Variants in LRRTM4 observed in about 807,000 individuals in gnomAD.
LRRTM4 encodes the protein leucine rich repeat transmembrane neuronal 4.
A neutral mutation model predicts 47.6 loss-of-function variants in LRRTM4; 25 were observed. The observed-to-expected ratio is 0.53, with a 90% CI of 0.38 to 0.73. The LOEUF (loss-of-function observed/expected upper bound fraction) is 0.73, where lower values mean the gene tolerates loss of function less well. Ranked by LOEUF, LRRTM4 falls within the 30% of genes least tolerant of loss-of-function variation. The pLI, the probability that LRRTM4 is intolerant of heterozygous loss-of-function variation, is 0.00. For synonymous variants in LRRTM4, 311 were observed against 269.5 expected (o/e 1.15, Z -1.51); for missense variants, 638 against 713.4 (o/e 0.89, Z 1.20).
chr2:76,752,947 A>C (rs981537625), intron 3 of LRRTM4, among the ~76,000 whole-genome samples: 1 of 152,200 alleles, frequency 6.6e-6, no homozygotes, highest in Non-Finnish European at 1.5e-5. Context: ...AGAACACTTG[A>C]CTGCTCATTG....
chr2:76,781,845 A>T (rs1294157375), intron 3 of LRRTM4, among the ~76,000 whole-genome samples: 2 of 152,060 alleles, frequency 1.3e-5, no homozygotes, highest in African/African-American at 4.8e-5. Flanking sequence ...TTAAAAATCT[A>T]TTCAGGTAAA....
At chr2:77,082,700 G>C (rs935157446) in intron 3 of LRRTM4, among the ~76,000 whole-genome samples, 1 of 151,954 alleles carries the variant, frequency 6.6e-6, no homozygotes, top group Non-Finnish European at 1.5e-5. Flanking sequence ...TAGAGAAATA[G>C]AAATATCCTA....
intron 3 of LRRTM4, among the ~76,000 whole-genome samples, chr2:77,037,255 C>G (rs530537310): frequency 2.0e-4 from 30 of 151,704 alleles, no homozygotes; most frequent in Non-Finnish European, 3.5e-4. Flanking sequence ...CCAATTAAAT[C>G]ATCCAATTAA....
At chr2:77,467,365 A>G (rs1677021274) in intron 3 of LRRTM4, among the ~76,000 whole-genome samples, 1 of 152,126 alleles carries the variant, frequency 6.6e-6, no homozygotes, top group South Asian at 2.1e-4. Flanking sequence ...AGGACTCAGA[A>G]AGGACAAAAG....
rs182182543 is a variant in LRRTM4 at position 76,992,493 on chromosome 2, A to T, written c.1552-243577T>A. On this transcript the variant is annotated intron_variant, in intron 3 of 3. Coordinates refer to ENST00000409884, the MANE Select transcript of LRRTM4 (RefSeq NM_001134745.3). ...TTGTATCTATATACAAATAATGTCC[A>T]GGCTGAAATTAAAATCAAGAACATT... Among the ~76,000 whole-genome samples the T allele has an allele frequency of 4.5e-4, 68 of 151,780 alleles. No homozygotes were observed. The East Asian group carries it at 0.012, about 27-fold the overall frequency.
chr2:76,962,473 T>C (rs965025386), intron 3 of LRRTM4, among the ~76,000 whole-genome samples: 4 of 151,004 alleles, frequency 2.6e-5, no homozygotes, highest in Non-Finnish European at 4.5e-5. Context: ...GAGAGGTATA[T>C]GATTATTTAC....
intron 3 of LRRTM4, among the ~76,000 whole-genome samples, chr2:77,101,425 C>G (rs1670949644): frequency 6.6e-6 from 1 of 152,010 alleles, no homozygotes; most frequent in African/African-American, 2.4e-5. Context: ...CAACTACCAC[C>G]AAAACTGAGT....
At chr2:76,807,931 T>C (rs6724658) in intron 3 of LRRTM4, among the ~76,000 whole-genome samples, 12,651 of 128,238 alleles carry the variant, frequency 0.099, 572 homozygotes, top group Middle Eastern at 0.18. Flanking sequence ...TTCTTTCCTT[T>C]CCTTTCTTTC....
chr2:77,048,752 A>G (rs1285310714), intron 3 of LRRTM4, among the ~76,000 whole-genome samples: 2 of 151,760 alleles, frequency 1.3e-5, no homozygotes, highest in African/African-American at 4.8e-5. Flanking sequence ...CATCTCATTT[A>G]TTGTTTCTTT....
chr2:77,521,140 G>T (rs138316913), intron 2 of LRRTM4, among the ~76,000 whole-genome samples: 3 of 151,812 alleles, frequency 2.0e-5, no homozygotes, highest in East Asian at 1.9e-4. Flanking sequence ...CAGGAGAAAG[G>T]GGGGGAAAAA....
intron 3 of LRRTM4, among the ~76,000 whole-genome samples, chr2:77,057,486 G>A (rs1047290062): frequency 1.3e-5 from 2 of 152,150 alleles, no homozygotes; most frequent in Non-Finnish European, 2.9e-5. Context: ...ATAGTAACAT[G>A]CAATTTAGTT....
At chr2:77,340,308 G>A (rs1261417300) in intron 3 of LRRTM4, among the ~76,000 whole-genome samples, 2 of 151,286 alleles carry the variant, frequency 1.3e-5, no homozygotes, top group Non-Finnish European at 3.0e-5. Context: ...AGATCTTGGG[G>A]GTAAAAAAAC....
intron 3 of LRRTM4, among the ~76,000 whole-genome samples, chr2:76,791,534 C>T (rs1674972305): frequency 6.6e-6 from 1 of 152,130 alleles, no homozygotes; most frequent in Non-Finnish European, 1.5e-5. Context: ...AATGGCACAC[C>T]TCTACTTGAG....
intron 3 of LRRTM4, among the ~76,000 whole-genome samples, chr2:77,187,936 T>G (rs147259141): frequency 6.6e-6 from 1 of 152,272 alleles, no homozygotes; most frequent in Non-Finnish European, 1.5e-5. Context: ...AAAACACAAC[T>G]GTTACAAATA....
At chr2:76,882,266 A>G (rs1416380058) in intron 3 of LRRTM4, among the ~76,000 whole-genome samples, 1 of 152,134 alleles carries the variant, frequency 6.6e-6, no homozygotes, top group East Asian at 1.9e-4. Context: ...TTTGTGTAGG[A>G]GTGAACAGGG....
intron 3 of LRRTM4, among the ~76,000 whole-genome samples, chr2:77,151,682 A>T (rs1418949887): frequency 6.6e-6 from 1 of 152,214 alleles, no homozygotes; most frequent in Non-Finnish European, 1.5e-5. Flanking sequence ...TCACAGAAAA[A>T]CAAAGATTGC....
intron 3 of LRRTM4, among the ~76,000 whole-genome samples, chr2:77,515,356 G>C (rs780501754): frequency 1.3e-5 from 2 of 151,710 alleles, no homozygotes; most frequent in Non-Finnish European, 2.9e-5. Flanking sequence ...TATTTGTGTG[G>C]AGGCTCACAA....
Position 77,307,580 on chromosome 2 carries a change from A to G in LRRTM4, c.1551+210738T>C, listed in dbSNP as rs558316201. On this transcript the variant is annotated intron_variant, in intron 3 of 3. Transcript: ENST00000409884. ...GAAATATAAATATATAGATATATCTATATATTATAGAAATATAAATATATA... is the reference window on the plus strand; with the variant it reads ...GAAATATAAATATATAGATATATCTGTATATTATAGAAATATAAATATATA... 6.5e-3 allele frequency among the ~76,000 whole-genome samples: 795 copies of G among 121,902 alleles called. 9 individuals are homozygous for G. The highest frequency in any genetic ancestry group is 8.2e-3 in the Non-Finnish European group (498 of 61,022). The allele number at this position is 121,902 out of a possible 152,430, so 80.0% of individuals were successfully genotyped here.
intron 3 of LRRTM4, among the ~76,000 whole-genome samples, chr2:77,102,717 G>A (rs150271798): frequency 6.6e-6 from 1 of 152,230 alleles, no homozygotes; most frequent in African/African-American, 2.4e-5. Flanking sequence ...TGGAGTTATT[G>A]GGCTGACTCA....
Sources: allele counts gnomAD v4.1 joint callset (sites outside exome capture counted in the v4.1 genomes callset), GRCh38; gene constraint gnomAD v4.1.1; transcripts MANE v1.5; gene names NCBI Gene and HGNC (gene_info 2026-07-23, HGNC 2026-07-21).